Variants in PPFIA2 observed in about 807,000 individuals in gnomAD.
PPFIA2 encodes PPFI scaffold protein A2.
Under a neutral mutation model 175.5 loss-of-function variants are expected in PPFIA2, and 46 were observed. That is an observed-to-expected ratio of 0.26 (90% CI 0.21 to 0.34). The LOEUF (loss-of-function observed/expected upper bound fraction) is 0.34. Among genes scored for constraint, PPFIA2 ranks in the 10% least tolerant of loss-of-function variants. PPFIA2 has a pLI of 1.00. For missense variants in PPFIA2, 1,179 were observed against 1,506.1 expected (o/e 0.78, Z 3.60); for synonymous variants, 568 against 511.4 (o/e 1.11, Z -1.49).
chr12:81,380,512 T>C (rs2037388420), intron 9 of PPFIA2, among the ~76,000 whole-genome samples: 1 of 150,944 alleles, frequency 6.6e-6, no homozygotes, highest in African/African-American at 2.5e-5. Context: ...TTTAAGTACG[T>C]GATTTTCACA....
intron 28 of PPFIA2, 72 bp downstream of exon 28, chr12:81,277,245 T>C: frequency 7.6e-7 from 1 of 1,310,510 alleles, no homozygotes; most frequent in African/African-American, 1.5e-5. Context: ...ACATATAACA[T>C]TTTAGGTTAG....
At chr12:81,477,321 G>T (rs2057606175) in intron 4 of PPFIA2, among the ~76,000 whole-genome samples, 1 of 152,164 alleles carries the variant, frequency 6.6e-6, no homozygotes, top group Non-Finnish European at 1.5e-5. Flanking sequence ...TATTTGAAAA[G>T]GCTTTCACCT....
chr12:81,455,888 A>T (rs541499731), intron 5 of PPFIA2, among the ~76,000 whole-genome samples: 1 of 152,308 alleles, frequency 6.6e-6, no homozygotes, highest in East Asian at 1.9e-4. Flanking sequence ...TTCTGAGCTC[A>T]CTTACCTGGT....
intron 4 of PPFIA2, among the ~76,000 whole-genome samples, chr12:81,466,127 T>C (rs2055575468): frequency 6.6e-6 from 1 of 152,162 alleles, no homozygotes; most frequent in Non-Finnish European, 1.5e-5. Flanking sequence ...CAGGCACAAC[T>C]GGACTCAGAA....
At chr12:81,312,577 A>G (rs531911625) in intron 22 of PPFIA2, among the ~76,000 whole-genome samples, 1 of 152,330 alleles carries the variant, frequency 6.6e-6, no homozygotes, top group East Asian at 1.9e-4. Flanking sequence ...ATTTTTATAT[A>G]GCTTTATAAG....
intron 4 of PPFIA2, among the ~76,000 whole-genome samples, chr12:81,544,680 C>G (rs916939353): frequency 6.6e-6 from 1 of 152,098 alleles, no homozygotes; most frequent in Non-Finnish European, 1.5e-5. Flanking sequence ...TAAAAGACCA[C>G]TGTTGAAGTA....
chr12:81,472,245 C>T (rs980882223), intron 4 of PPFIA2, among the ~76,000 whole-genome samples: 2 of 152,118 alleles, frequency 1.3e-5, no homozygotes, highest in Non-Finnish European at 1.5e-5. Flanking sequence ...TCTGGATTTC[C>T]TTCTGGGGTA....
chr12:81,282,985 G>A (rs759445285), intron 26 of PPFIA2, 25 bp downstream of exon 26: 3 of 1,596,020 alleles, frequency 1.9e-6, no homozygotes, highest in South Asian at 2.2e-5. Context: ...GATATTAAGG[G>A]TCTTAAAGCA....
chr12:81,556,384 T>A (rs1462491687), intron 4 of PPFIA2, among the ~76,000 whole-genome samples: 1 of 151,928 alleles, frequency 6.6e-6, no homozygotes, highest in Non-Finnish European at 1.5e-5. Context: ...TTAAACTACA[T>A]ACATGTCAAA....
chr12:81,499,879 C>A (rs1207534795), intron 4 of PPFIA2, among the ~76,000 whole-genome samples: 1 of 151,948 alleles, frequency 6.6e-6, no homozygotes, highest in Non-Finnish European at 1.5e-5. Context: ...GTGTCTGGGT[C>A]CCTGATGATT....
chr12:81,720,859 C>A (rs377474995), intron 3 of PPFIA2, among the ~76,000 whole-genome samples: 10 of 151,136 alleles, frequency 6.6e-5, no homozygotes, highest in Admixed American at 6.6e-4. Flanking sequence ...CCAGAATCAA[C>A]TTTTGTTACT....
intron 3 of PPFIA2, among the ~76,000 whole-genome samples, chr12:81,705,299 C>T (rs1289830263): frequency 6.8e-6 from 1 of 147,578 alleles, no homozygotes; most frequent in African/African-American, 2.5e-5. Flanking sequence ...CTAAAGAATA[C>T]AAAAAAATTA....
chr12:81,263,449 A>C, intron 30 of PPFIA2, 59 bp from the exon 31 acceptor site: 1 of 1,465,304 alleles, frequency 6.8e-7, no homozygotes, highest in Non-Finnish European at 9.5e-7. Context: ...CATGTGCTTA[A>C]AGCTCTGTGC....
intron 3 of PPFIA2, among the ~76,000 whole-genome samples, chr12:81,682,936 T>C (rs1404980885): frequency 1.3e-5 from 2 of 152,082 alleles, no homozygotes; most frequent in African/African-American, 4.8e-5. Flanking sequence ...CTTTTGGCTT[T>C]CATTTATTTT....
intron 4 of PPFIA2, among the ~76,000 whole-genome samples, chr12:81,529,218 C>A (rs1010650433): frequency 6.6e-6 from 1 of 151,826 alleles, no homozygotes; most frequent in Non-Finnish European, 1.5e-5. Flanking sequence ...AAAGAAAATA[C>A]TACAAAATAT....
chr12:81,356,735 A>G (rs1487662564), intron 16 of PPFIA2, among the ~76,000 whole-genome samples: 5 of 152,188 alleles, frequency 3.3e-5, no homozygotes, highest in African/African-American at 1.2e-4. Flanking sequence ...GAGCACATGC[A>G]TTGAAAAACT....
chr12:81,733,894 C>T (rs1419431808), intron 3 of PPFIA2, among the ~76,000 whole-genome samples: 1 of 151,648 alleles, frequency 6.6e-6, no homozygotes, highest in Admixed American at 6.6e-5. Context: ...TATCCTGTAA[C>T]CTACATGTTA....
intron 8 of PPFIA2, among the ~76,000 whole-genome samples, chr12:81,386,881 T>C (rs980390978): frequency 6.6e-6 from 1 of 152,154 alleles, no homozygotes; most frequent in Non-Finnish European, 1.5e-5. Context: ...TTCAATGTAA[T>C]GCAAATTTTT....
intron 4 of PPFIA2, among the ~76,000 whole-genome samples, chr12:81,500,046 C>G (rs1436043113): frequency 6.6e-6 from 1 of 152,138 alleles, no homozygotes; most frequent in Non-Finnish European, 1.5e-5. Context: ...TGACCAGTCC[C>G]TCAAAGCAGG....
Sources: allele counts gnomAD v4.1 joint callset (sites outside exome capture counted in the v4.1 genomes callset), GRCh38; gene constraint gnomAD v4.1.1; transcripts MANE v1.5; gene names NCBI Gene and HGNC (gene_info 2026-07-23, HGNC 2026-07-21).